PACS2: variants seen among roughly 807,000 people sequenced by gnomAD.
PACS2 encodes phosphofurin acidic cluster sorting protein 2.
In PACS2, 36 loss-of-function variants were observed where a neutral mutation model predicts 113.0. The ratio of observed to expected loss-of-function variants is 0.32; its 90% CI spans 0.24 to 0.42. The LOEUF is 0.42. PACS2 is among the 10% of genes least tolerant of loss of function. PACS2 has a pLI of 1.00. For synonymous variants in PACS2, 589 were observed against 536.1 expected (o/e 1.10, Z -1.36); for missense variants, 1,015 against 1,239.5 (o/e 0.82, Z 2.72).
Position 105,317,304 on chromosome 14 carries a change from C to G in PACS2, c.119+2267C>G, listed in dbSNP as rs1482731247. Among the ~76,000 whole-genome samples, 2 of 152,108 alleles carry G rather than the reference C, an allele frequency of 1.3e-5. No homozygotes were observed. Among genetic ancestry groups the G allele is most frequent in the Non-Finnish European group, 2.9e-5 (2 of 68,008 alleles). On this transcript the variant is annotated intron_variant, in intron 1 of 24. Coordinates refer to ENST00000447393, the MANE Select transcript of PACS2 (RefSeq NM_001100913.3). The surrounding 1 kb of genome is among the most constrained non-coding windows in gnomAD (Gnocchi z 4.2). ...GCTGTGGACATCGTGTGCCAGTCTT[C>G]TGCGTGTGTCTTTCTGGATGGGCAG...
chr14:105,312,639 G>C (rs183280667), upstream of PACS2, among the ~76,000 whole-genome samples: 2 of 152,338 alleles, frequency 1.3e-5, no homozygotes, highest in African/African-American at 4.8e-5. Flanking sequence ...GTGACCCACA[G>C]CCCTCAAGAG....
rs782149744 is a variant in PACS2, at chr14:105,382,835, C to T, written c.1547C>T (p.Thr516Met). 1.2e-5 allele frequency: 19 copies of T among 1,604,874 alleles called. No homozygotes were observed. Among genetic ancestry groups the T allele is most frequent in the South Asian group, 7.7e-5 (7 of 91,020 alleles). Residue 516 changes from threonine (T) to methionine (M), a missense_variant, in exon 15 of 25, where the codon ACG (threonine) becomes ATG (methionine). By Grantham distance (81) the Thr-to-Met change is moderately conservative. Around this residue, in one of 3 missense-constraint regions of PACS2, gnomAD observed 859 missense variants for 1,056.8 expected, o/e 0.81. Transcript: ENST00000447393. ...CTCTCCGACGTCCTGCAGAGGCACA[C>T]GCTCCCCGTGGTGTGCACGTGCTCT... The part of the protein sequence containing the change: ...QFLSDVLQRH[T>M]LPVVCTCSPA...
chr14:105,390,098 A>C lies in PACS2; in HGVS notation c.2076+95A>C, dbSNP rs587673031. On this transcript the variant is annotated intron_variant, in intron 20 of 24. Transcript: ENST00000447393. ...TTTGGGGATTGACTCGATATATTCC[A>C]GAACCTTCCCACAGATACGAGCTGG... The C allele has an allele frequency of 5.5e-5, 60 of 1,096,940 alleles. No homozygotes were observed. The African/African-American group carries it at 7.8e-4, about 14-fold the overall frequency. 68.0% of individuals were successfully genotyped at this position (1,096,940 alleles called of 1,614,324 possible).
rs1283641368 is a variant in PACS2 at position 105,367,456 on chromosome 14, C to T, written c.586+81C>T. On this transcript the variant is annotated intron_variant, in intron 5 of 24. Coordinates refer to ENST00000447393, the MANE Select transcript of PACS2 (RefSeq NM_001100913.3). ...GCCATGGCACATCGGGTGGCAGAAA[C>T]TGTCCAGCCTGGCTTAAGGAGTTGG... is the stretch of plus-strand genomic sequence containing the variant. The T allele has an allele frequency of 2.8e-6, 4 of 1,405,056 alleles. No individual in the cohort carries two copies. The Admixed American group carries it at 6.8e-5, about 24-fold the overall frequency. The allele number at this position is 1,405,056 out of a possible 1,614,324, so 87.0% of individuals were successfully genotyped here.
In PACS2 at chr14:105,356,685, C is replaced by T. The variant is rs1336533419; in HGVS notation, c.423+1508C>T. On this transcript the variant is annotated intron_variant, in intron 4 of 24. Coordinates refer to ENST00000447393, the MANE Select transcript of PACS2 (RefSeq NM_001100913.3). The surrounding 1 kb of genome is among the most constrained non-coding windows in gnomAD (Gnocchi z 4.0). ...CATGCAGGCGAGGTCCTGCTGATCC[C>T]TGCCGGTCCCTGTGTTTCCCATTAG... Among the ~76,000 whole-genome samples the T allele has an allele frequency of 6.6e-6, 1 of 151,900 alleles. No individual in the cohort carries two copies. Among genetic ancestry groups the T allele is most frequent in the Non-Finnish European group, 1.5e-5 (1 of 67,956 alleles).
In PACS2 at chr14:105,355,243, G is replaced by GGGAGAT; in HGVS notation, c.423+74_423+79dup. 1 of 1,544,108 alleles carries GGGAGAT rather than the reference G, an allele frequency of 6.5e-7. No individual in the cohort carries two copies. Among genetic ancestry groups the GGGAGAT allele is most frequent in the Non-Finnish European group, 8.8e-7 (1 of 1,139,236 alleles). On this transcript the variant is annotated intron_variant, in intron 4 of 24. Transcript: ENST00000447393. The surrounding 1 kb of genome is among the most constrained non-coding windows in gnomAD (Gnocchi z 4.1). ...CCTGGGTGCCAGAGCATTCGCCCGT[G>GGGAGAT]GGAGATGGAGATGTCTCTCCCGGGT...
intron 20 of PACS2, 84 bp downstream of exon 20, chr14:105,390,087 C>A: frequency 8.4e-7 from 1 of 1,188,306 alleles, no homozygotes; most frequent in Non-Finnish European, 1.3e-6. Flanking sequence ...GGGATTGACT[C>A]GATATATTCC....
At chr14:105,393,482 C>T (rs2081432111) in intron 24 of PACS2, 147 bp downstream of exon 24, 1 of 518,182 alleles carries the variant, frequency 1.9e-6, no homozygotes, top group Admixed American at 4.0e-5. Flanking sequence ...TCGATGAAGC[C>T]CTCAGTGAGG....
intron 1 of PACS2, among the ~76,000 whole-genome samples, chr14:105,334,921 C>T (rs940045756): frequency 6.6e-6 from 1 of 152,258 alleles, no homozygotes; most frequent in African/African-American, 2.4e-5. Flanking sequence ...AGGGGCTCCC[C>T]TCCATGGGGT....
chr14:105,385,476 C>T (rs1278319932), intron 18 of PACS2, among the ~76,000 whole-genome samples: 3 of 152,174 alleles, frequency 2.0e-5, no homozygotes, highest in Non-Finnish European at 2.9e-5. Context: ...CCCGGCGCCT[C>T]CTCCCTGCAC....
intron 1 of PACS2, among the ~76,000 whole-genome samples, chr14:105,334,638 G>A: frequency 6.6e-6 from 1 of 152,052 alleles, no homozygotes; most frequent in East Asian, 1.9e-4. Flanking sequence ...TGAGGGTCCA[G>A]TGTGTGGGTA....
intron 16 of PACS2, chr14:105,383,736 G>A (rs2081075503): frequency 1.8e-6 from 1 of 540,848 alleles, no homozygotes; most frequent in Non-Finnish European, 3.2e-6. Context: ...TTAATTATAT[G>A]CAAGATAACT....
intron 18 of PACS2, 67 bp downstream of exon 18, chr14:105,385,054 C>T (rs1455560923): frequency 1.9e-5 from 19 of 1,000,508 alleles, no homozygotes; most frequent in Admixed American, 4.0e-5. Flanking sequence ...GTGGGCCTCC[C>T]CACCCGCTGC....
intron 1 of PACS2, among the ~76,000 whole-genome samples, chr14:105,319,182 G>A (rs1373069075): frequency 1.3e-5 from 2 of 151,972 alleles, no homozygotes; most frequent in African/African-American, 4.8e-5. Flanking sequence ...TCTTGACCTC[G>A]TGATCCGCCC....
chr14:105,352,894 G>A (rs1364301830), intron 3 of PACS2, among the ~76,000 whole-genome samples: 1 of 130,412 alleles, frequency 7.7e-6, no homozygotes, highest in Non-Finnish European at 1.6e-5. Flanking sequence ...TGTCCCCTGG[G>A]GTGACGGGCC....
chr14:105,384,736 G>A (rs1396269764), intron 17 of PACS2, 143 bp from the exon 18 acceptor site: 3 of 661,214 alleles, frequency 4.5e-6, no homozygotes, highest in Admixed American at 4.4e-5. Flanking sequence ...TAGAGCACCA[G>A]GGCCCCTCAG....
intron 13 of PACS2, 119 bp downstream of exon 13, chr14:105,382,177 C>T: frequency 8.3e-7 from 1 of 1,199,710 alleles, no homozygotes; most frequent in Non-Finnish European, 1.1e-6. Context: ...CAGAGCATGC[C>T]TGGGCTTTGG....
chr14:105,396,330 A>G lies in PACS2; in HGVS notation c.*1658A>G, dbSNP rs1453450893. 6.6e-6 allele frequency: 1 copy of G among 152,182 alleles called. No homozygotes were observed. The highest frequency in any genetic ancestry group is 2.4e-5 in the African/African-American group (1 of 41,384). 9.4% of individuals were successfully genotyped at this position (152,182 alleles called of 1,614,324 possible). On this transcript the variant is annotated 3_prime_UTR_variant, in exon 25 of 25. Transcript: ENST00000447393. ...GGGGGAGAGGGTAGGAAGGTCTCCCATTGAATCCTGGCTTCAGGCTCTGCC... is the reference window on the plus strand; with the variant it reads ...GGGGGAGAGGGTAGGAAGGTCTCCCGTTGAATCCTGGCTTCAGGCTCTGCC...
intron 1 of PACS2, among the ~76,000 whole-genome samples, chr14:105,306,566 G>T (rs1444224913): frequency 6.6e-6 from 1 of 151,906 alleles, no homozygotes; most frequent in Non-Finnish European, 1.5e-5. Context: ...ACCTCCCAAA[G>T]TGCTGGGATT....
Sources: allele counts gnomAD v4.1 joint callset (sites outside exome capture counted in the v4.1 genomes callset), GRCh38; gene constraint gnomAD v4.1.1; regional missense constraint gnomAD v4.1.1; non-coding constraint Gnocchi (gnomAD v3.1); transcripts MANE v1.5; gene names NCBI Gene and HGNC (gene_info 2026-07-23, HGNC 2026-07-21).